Variants in GMDS observed in about 807,000 individuals in gnomAD.
GMDS encodes GDP-mannose 4,6 dehydratase.
GMDS carries 20 observed loss-of-function variants against 49.9 expected under a neutral mutation model. That is an observed-to-expected ratio of 0.40 (90% CI 0.28 to 0.58). The LOEUF is 0.58. Among genes scored for constraint, GMDS ranks in the 20% least tolerant of loss-of-function variants. GMDS has a pLI of 0.42. For synonymous variants in GMDS, 177 were observed against 178.6 expected, an observed-to-expected ratio of 0.99 and a Z score of 0.07; for missense variants, 362 against 481.4, an observed-to-expected ratio of 0.75 and a Z score of 2.32.
intron 9 of GMDS, among the ~76,000 whole-genome samples, chr6:1,669,626 T>C (rs558520767): frequency 1.3e-5 from 2 of 152,178 alleles, no homozygotes; most frequent in African/African-American, 4.8e-5. Flanking sequence ...TCAAGAGCTG[T>C]CACCAGCTGG....
chr6:2,193,974 G>C (rs1056412740), intron 1 of GMDS, among the ~76,000 whole-genome samples: 1 of 151,750 alleles, frequency 6.6e-6, no homozygotes, highest in Non-Finnish European at 1.5e-5. Flanking sequence ...CCACCCGCTC[G>C]GCCTCCCAAA....
At chr6:2,183,844 A>G (rs1778661778) in intron 1 of GMDS, among the ~76,000 whole-genome samples, 1 of 152,234 alleles carries the variant, frequency 6.6e-6, no homozygotes, top group Non-Finnish European at 1.5e-5. Flanking sequence ...CAAATAGATT[A>G]CAACTCACTG....
At chr6:2,165,122 C>G (rs979696412) in intron 1 of GMDS, among the ~76,000 whole-genome samples, 1 of 152,156 alleles carries the variant, frequency 6.6e-6, no homozygotes, top group African/African-American at 2.4e-5. Context: ...CTAGAAACCC[C>G]AGAATCACAT....
intron 4 of GMDS, among the ~76,000 whole-genome samples, chr6:1,976,945 T>C (rs1237078067): frequency 1.3e-5 from 2 of 152,216 alleles, no homozygotes; most frequent in African/African-American, 4.8e-5. Context: ...ACAACGCAGG[T>C]CAATGTCTGT....
At position 1,642,952 on chromosome 6, in the gene GMDS, C is replaced by T. The variant is rs189496921; in HGVS notation, c.988-18412G>A. 1.1e-4 allele frequency among the ~76,000 whole-genome samples: 16 copies of T among 152,282 alleles called. 1 individual carries two copies. The highest frequency in any genetic ancestry group is 9.8e-4 in the Admixed American group (15 of 15,294). On this transcript the variant is annotated intron_variant, in intron 9 of 10. Coordinates refer to ENST00000380815, the MANE Select transcript of GMDS (RefSeq NM_001500.4). ...TTTAAAATAGCTCTTCACAGAGAAT[C>T]TTTGGGGGCTTTTAAACAGCCCTGG...
intron 9 of GMDS, among the ~76,000 whole-genome samples, chr6:1,673,967 A>ATTTTTTTTTTTTTTT (rs1554106276): frequency 6.7e-6 from 1 of 149,994 alleles, no homozygotes; most frequent in African/African-American, 2.4e-5. Flanking sequence ...GTTTAGGTTG[A>ATTTTTTTTTTTTTTT]TTATTAATAA....
In GMDS at chr6:2,145,233, C is replaced by T. The variant is rs1022519614; in HGVS notation, c.103-20502G>A. ...CAAAACACCAAACGTATCTAAGAAG[C>T]CTTAAATATCAAATTTTTAGACCGG... is the stretch of plus-strand genomic sequence containing the variant. On this transcript the variant is annotated intron_variant, in intron 1 of 10. Coordinates refer to ENST00000380815, the MANE Select transcript of GMDS (RefSeq NM_001500.4). Among the ~76,000 whole-genome samples the T allele has an allele frequency of 4.5e-4, 68 of 152,088 alleles. 1 individual carries two copies. The highest frequency in any genetic ancestry group is 1.5e-3 in the African/African-American group (64 of 41,414).
intron 9 of GMDS, among the ~76,000 whole-genome samples, chr6:1,656,707 T>G (rs1446785448): frequency 1.3e-5 from 2 of 150,834 alleles, no homozygotes; most frequent in African/African-American, 4.9e-5. Context: ...AAGGTTGCAG[T>G]GAGCCGAGAT....
intron 7 of GMDS, 34 bp downstream of exon 7, chr6:1,930,069 G>C: frequency 1.3e-6 from 2 of 1,571,438 alleles, no homozygotes; most frequent in Non-Finnish European, 1.7e-6. Context: ...AATGGATACG[G>C]GTATTTTCAA....
intron 7 of GMDS, among the ~76,000 whole-genome samples, chr6:1,823,497 C>G (rs1470130949): frequency 1.3e-5 from 2 of 152,128 alleles, no homozygotes; most frequent in African/African-American, 2.4e-5. Flanking sequence ...GGTGGAAAGA[C>G]CCTGGGCTCC....
At chr6:2,114,376 C>T (rs1774725808) in intron 4 of GMDS, among the ~76,000 whole-genome samples, 1 of 152,062 alleles carries the variant, frequency 6.6e-6, no homozygotes, top group Non-Finnish European at 1.5e-5. Context: ...AGACTGACTA[C>T]CTCAATTAGG....
At chr6:2,132,328 C>A (rs1379167377) in intron 1 of GMDS, among the ~76,000 whole-genome samples, 3 of 151,994 alleles carry the variant, frequency 2.0e-5, no homozygotes, top group Non-Finnish European at 4.4e-5. Flanking sequence ...CTATCAAACA[C>A]CCATTTGGAC....
At chr6:2,119,107 A>C (rs1775003553) in intron 2 of GMDS, among the ~76,000 whole-genome samples, 1 of 152,180 alleles carries the variant, frequency 6.6e-6, no homozygotes, top group Non-Finnish European at 1.5e-5. Flanking sequence ...AAAAAGAGTA[A>C]TTTAAGTTTG....
chr6:1,951,161 A>G (rs1351395498), intron 6 of GMDS, among the ~76,000 whole-genome samples: 1 of 152,208 alleles, frequency 6.6e-6, no homozygotes, highest in Non-Finnish European at 1.5e-5. Flanking sequence ...ACAAATCAAA[A>G]GGAAAATTAC....
At chr6:1,714,184 A>AT (rs918262413) in intron 9 of GMDS, among the ~76,000 whole-genome samples, 4 of 152,030 alleles carry the variant, frequency 2.6e-5, no homozygotes, top group South Asian at 2.1e-4. Context: ...CGCCCAGCTA[A>AT]TTTTTTTGTA....
intron 4 of GMDS, among the ~76,000 whole-genome samples, chr6:2,101,898 T>C (rs1389117628): frequency 1.3e-5 from 2 of 152,244 alleles, no homozygotes; most frequent in East Asian, 3.8e-4. Context: ...AATTTGGACA[T>C]AAAGGAAAAT....
chr6:2,206,371 G>C (rs1423901299), intron 1 of GMDS, among the ~76,000 whole-genome samples: 2 of 152,050 alleles, frequency 1.3e-5, no homozygotes, highest in African/African-American at 4.8e-5. Flanking sequence ...GTGGAGTGTG[G>C]TCAGACTCCA....
intron 6 of GMDS, among the ~76,000 whole-genome samples, chr6:1,945,553 G>A (rs1423466638): frequency 6.6e-6 from 1 of 152,052 alleles, no homozygotes; most frequent in East Asian, 1.9e-4. Context: ...TTGAAATTTA[G>A]AGTATGCACA....
intron 9 of GMDS, among the ~76,000 whole-genome samples, chr6:1,721,496 C>T (rs1766382926): frequency 6.6e-6 from 1 of 152,042 alleles, no homozygotes; most frequent in African/African-American, 2.4e-5. Context: ...GAGTAAACAT[C>T]AGCTAGTAGA....
Sources: gnomAD v4.1 joint callset for allele counts (sites outside exome capture counted in the v4.1 genomes callset) on GRCh38, gnomAD v4.1.1 for gene constraint, MANE v1.5 for transcripts, NCBI Gene and HGNC (gene_info 2026-07-23, HGNC 2026-07-21) for gene names.